Variants in PDK1 observed in about 807,000 individuals in gnomAD.
PDK1 encodes pyruvate dehydrogenase kinase 1, also known as [Pyruvate dehydrogenase (acetyl-transferring)] kinase isozyme 1, mitochondrial.
A neutral mutation model predicts 54.2 loss-of-function variants in PDK1; 39 were observed. The observed-to-expected ratio is 0.72, with a 90% CI of 0.56 to 0.94. The LOEUF is 0.94. Among genes scored for constraint, PDK1 ranks in the 40% least tolerant of loss-of-function variants. The pLI, the probability that PDK1 is intolerant of heterozygous loss-of-function variation, is 0.00. For missense variants in PDK1, 552 were observed against 566.0 expected, an observed-to-expected ratio of 0.98 and a Z score of 0.25; for synonymous variants, 221 against 207.1, an observed-to-expected ratio of 1.07 and a Z score of -0.58.
the PDK1 span, among the ~76,000 whole-genome samples, chr2:172,632,262 ACT>A: frequency 2.0e-5 from 3 of 151,398 alleles, no homozygotes; most frequent in South Asian, 2.1e-4. Flanking sequence ...ATAGAGTGAG[ACT>A]CTGTCTAAAA....
chr2:172,686,179 G>C, the PDK1 span, among the ~76,000 whole-genome samples: 1 of 152,196 alleles, frequency 6.6e-6, no homozygotes, highest in Non-Finnish European at 1.5e-5. Context: ...GATATCAACA[G>C]GAATCGTGGC....
the PDK1 span, among the ~76,000 whole-genome samples, chr2:172,722,685 G>A: frequency 8.7e-4 from 133 of 152,212 alleles, 1 homozygote; most frequent in Non-Finnish European, 1.5e-3. Flanking sequence ...AGGGGTGATG[G>A]CATGGGTTCA....
the PDK1 span, among the ~76,000 whole-genome samples, chr2:172,667,329 C>G: frequency 6.6e-6 from 1 of 152,168 alleles, no homozygotes; most frequent in African/African-American, 2.4e-5. Flanking sequence ...TTAGAATGAA[C>G]TATTTTGAAT....
chr2:172,564,622 T>C lies in PDK1; in HGVS notation c.530T>C (p.Val177Ala). Residue 177 changes from valine (V) to alanine (A), a missense_variant, in exon 4 of 11, where the codon GTT (valine) becomes GCT (alanine). Physicochemically the swap from Val to Ala is moderately conservative, Grantham distance 64. Coordinates refer to ENST00000282077, the MANE Select transcript of PDK1 (RefSeq NM_002610.5). ...FGVDPVTSQN[V>A]QYFLDRFYMS... Reference sequence around the variant, plus strand: ...GTGGATCCTGTCACCAGCCAGAATGTTCAGTACTTTTTGGATCGATTCTAC... The same window carrying C: ...GTGGATCCTGTCACCAGCCAGAATGCTCAGTACTTTTTGGATCGATTCTAC... 6.2e-7 allele frequency: 1 copy of C among 1,614,190 alleles called. No homozygotes were observed. The highest frequency in any genetic ancestry group is 1.3e-5 in the African/African-American group (1 of 75,066).
chr2:172,648,191 CAGTTT>C, the PDK1 span, among the ~76,000 whole-genome samples: 3 of 152,252 alleles, frequency 2.0e-5, no homozygotes, highest in Admixed American at 6.5e-5. Context: ...ATAAGGTCCA[CAGTTT>C]AGTTAACAGT....
chr2:172,694,888 G>A, the PDK1 span, among the ~76,000 whole-genome samples: 7 of 152,266 alleles, frequency 4.6e-5, no homozygotes, highest in Admixed American at 1.3e-4. Flanking sequence ...AGACCAAGGC[G>A]GGTGGATCAC....
the PDK1 span, among the ~76,000 whole-genome samples, chr2:172,701,528 G>C: frequency 6.6e-6 from 1 of 152,298 alleles, no homozygotes; most frequent in African/African-American, 2.4e-5. Flanking sequence ...AGGTACCCAG[G>C]ATAACTTGTT....
chr2:172,655,373 C>A, the PDK1 span, among the ~76,000 whole-genome samples: 1 of 152,198 alleles, frequency 6.6e-6, no homozygotes, highest in Non-Finnish European at 1.5e-5. Context: ...ATTCATCATT[C>A]CAGGTCTTGC....
At chr2:172,633,977 G>A in the PDK1 span, among the ~76,000 whole-genome samples, 1 of 136,580 alleles carries the variant, frequency 7.3e-6, no homozygotes, top group Non-Finnish European at 1.5e-5. Context: ...CTGGGTTCAA[G>A]CAATTCTCTT....
chr2:172,634,039 C>T, the PDK1 span, among the ~76,000 whole-genome samples: 1 of 150,710 alleles, frequency 6.6e-6, no homozygotes, highest in African/African-American at 2.4e-5. Flanking sequence ...CCAGGCCTGG[C>T]TAATTTTTGT....
At chr2:172,634,257 TA>T in the PDK1 span, among the ~76,000 whole-genome samples, 22 of 139,372 alleles carry the variant, frequency 1.6e-4, no homozygotes, top group African/African-American at 5.7e-4. Context: ...AGATGAAATC[TA>T]TTTATATTAT....
At chr2:172,618,909 T>C in the PDK1 span, among the ~76,000 whole-genome samples, 1 of 152,132 alleles carries the variant, frequency 6.6e-6, no homozygotes, top group Non-Finnish European at 1.5e-5. Flanking sequence ...CAGTGAGTAC[T>C]GGGAAGGGTG....
chr2:172,721,741 A>C, the PDK1 span, among the ~76,000 whole-genome samples: 1 of 152,346 alleles, frequency 6.6e-6, no homozygotes, highest in African/African-American at 2.4e-5. Flanking sequence ...TTTCATCTTC[A>C]CATTTGGCTG....
chr2:172,675,460 C>G, the PDK1 span, among the ~76,000 whole-genome samples: 1 of 152,172 alleles, frequency 6.6e-6, no homozygotes, highest in African/African-American at 2.4e-5. Context: ...AGTGAAGCAT[C>G]CTTATTGCTG....
At chr2:172,665,880 C>A in the PDK1 span, among the ~76,000 whole-genome samples, 1 of 152,152 alleles carries the variant, frequency 6.6e-6, no homozygotes, top group African/African-American at 2.4e-5. Flanking sequence ...CCTATTCCTT[C>A]CCTCATTTTT....
At chr2:172,558,595 G>C (rs1688482480) in intron 1 of PDK1, 113 bp from the exon 2 acceptor site, 1 of 907,540 alleles carries the variant, frequency 1.1e-6, no homozygotes, top group Non-Finnish European at 1.7e-6. Context: ...CCATCGTGGT[G>C]ATTCTATCCC....
chr2:172,563,317 T>C (rs1356434548), intron 3 of PDK1, among the ~76,000 whole-genome samples: 1 of 152,006 alleles, frequency 6.6e-6, no homozygotes, highest in Non-Finnish European at 1.5e-5. Context: ...GAATGATGAG[T>C]TGTTTGTTGT....
the PDK1 span, among the ~76,000 whole-genome samples, chr2:172,670,180 G>A: frequency 6.6e-6 from 1 of 152,168 alleles, no homozygotes; most frequent in Non-Finnish European, 1.5e-5. Context: ...AGCCTTCCGG[G>A]CAGCTGGAAC....
the PDK1 span, among the ~76,000 whole-genome samples, chr2:172,717,367 C>T: frequency 6.6e-6 from 1 of 152,170 alleles, no homozygotes; most frequent in African/African-American, 2.4e-5. Flanking sequence ...CTTCCAGATT[C>T]CTGACCCTCA....
Sources: allele counts gnomAD v4.1 joint callset (sites outside exome capture counted in the v4.1 genomes callset), GRCh38; gene constraint gnomAD v4.1.1; transcripts MANE v1.5; gene names NCBI Gene and HGNC (gene_info 2026-07-23, HGNC 2026-07-21).